Variants in DTNB observed in about 807,000 individuals in gnomAD.
The protein encoded by DTNB is dystrobrevin beta.
In DTNB, 63 loss-of-function variants were observed where a neutral mutation model predicts 90.7. The ratio of observed to expected loss-of-function variants is 0.69; its 90% CI spans 0.57 to 0.86. The LOEUF is 0.86. Among genes scored for constraint, DTNB ranks in the 40% least tolerant of loss-of-function variants. DTNB has a pLI of 0.00. For missense variants in DTNB, 744 were observed against 807.1 expected, an observed-to-expected ratio of 0.92 and a Z score of 0.95; for synonymous variants, 277 against 286.7, an observed-to-expected ratio of 0.97 and a Z score of 0.34.
At chr2:25,589,474 G>C (rs984936174) in intron 6 of DTNB, among the ~76,000 whole-genome samples, 1 of 136,128 alleles carries the variant, frequency 7.3e-6, no homozygotes. Flanking sequence ...TCTGCCTCCT[G>C]GGTTCAAGCA....
At chr2:25,588,771 T>G (rs532200715) in intron 6 of DTNB, among the ~76,000 whole-genome samples, 2 of 152,282 alleles carry the variant, frequency 1.3e-5, no homozygotes, top group East Asian at 3.9e-4. Flanking sequence ...GTGCAGGAAA[T>G]GACAGCCCAT....
intron 2 of DTNB, among the ~76,000 whole-genome samples, chr2:25,649,293 C>T (rs1265965411): frequency 6.6e-6 from 1 of 152,174 alleles, no homozygotes; most frequent in African/African-American, 2.4e-5. Context: ...GCGTGAGCCA[C>T]CACACCTGGC....
At chr2:25,438,522 G>A (rs1031738670) in intron 12 of DTNB, among the ~76,000 whole-genome samples, 5 of 152,014 alleles carry the variant, frequency 3.3e-5, no homozygotes, top group African/African-American at 1.2e-4. Context: ...TTCTGGGCAG[G>A]GGAATATGAA....
chr2:25,460,305 G>A lies in DTNB; in HGVS notation c.1080-4811C>T, dbSNP rs536600781. ...TCAGTTTGGAACATGCTAATTATGA[G>A]ATATGTATTAAATATCCAAGCGAAG... On this transcript the variant is annotated intron_variant, in intron 10 of 20. Transcript: ENST00000406818. 4.6e-5 allele frequency among the ~76,000 whole-genome samples: 7 copies of A among 152,208 alleles called. No individual in the cohort carries two copies. The South Asian group carries it at 1.5e-3, about 32-fold the overall frequency.
chr2:25,414,697 T>G (rs2047451254), intron 16 of DTNB, among the ~76,000 whole-genome samples: 1 of 152,176 alleles, frequency 6.6e-6, no homozygotes, highest in Non-Finnish European at 1.5e-5. Flanking sequence ...ATACAGAGTA[T>G]AAGTCAAAAT....
chr2:25,546,342 C>T (rs1187094548), intron 8 of DTNB, among the ~76,000 whole-genome samples: 6 of 152,240 alleles, frequency 3.9e-5, no homozygotes, highest in Non-Finnish European at 7.3e-5. Context: ...AAACTGTTCA[C>T]TAGAATAAAA....
intron 2 of DTNB, chr2:25,650,354 C>T: frequency 1.9e-6 from 1 of 519,834 alleles, no homozygotes; most frequent in Non-Finnish European, 2.5e-6. Context: ...ATAGCAGATC[C>T]TCAATAAATG....
intron 6 of DTNB, among the ~76,000 whole-genome samples, chr2:25,587,227 A>T (rs1336020452): frequency 6.6e-6 from 1 of 152,168 alleles, no homozygotes; most frequent in African/African-American, 2.4e-5. Flanking sequence ...AAAAATAAGG[A>T]CATCAACAGA....
chr2:25,391,106 C>T (rs983839711), intron 16 of DTNB, among the ~76,000 whole-genome samples: 8 of 151,820 alleles, frequency 5.3e-5, no homozygotes, highest in African/African-American at 1.9e-4. Flanking sequence ...CCATGTTAGC[C>T]AGGATGGTCT....
At chr2:25,425,409 C>T (rs2051218209) in intron 15 of DTNB, among the ~76,000 whole-genome samples, 1 of 152,160 alleles carries the variant, frequency 6.6e-6, no homozygotes, top group Admixed American at 6.5e-5. Context: ...TGCTAATGCC[C>T]ACTAGCTTCA....
At chr2:25,433,644 G>A (rs1157712779) in intron 13 of DTNB, among the ~76,000 whole-genome samples, 2 of 152,018 alleles carry the variant, frequency 1.3e-5, no homozygotes, top group East Asian at 1.9e-4. Context: ...TGTGAGAGGG[G>A]GTCACACGGA....
At chr2:25,586,775 AG>A (rs777898370) in intron 6 of DTNB, among the ~76,000 whole-genome samples, 6 of 152,218 alleles carry the variant, frequency 3.9e-5, no homozygotes, top group Non-Finnish European at 7.3e-5. Context: ...GAGGAGAGAC[AG>A]AAAGTCAGGG....
At chr2:25,647,547 G>GT (rs1359826395) in intron 2 of DTNB, among the ~76,000 whole-genome samples, 1 of 151,982 alleles carries the variant, frequency 6.6e-6, no homozygotes, top group Non-Finnish European at 1.5e-5. Context: ...AGCTATACAG[G>GT]TTTTTTTAAC....
chr2:25,423,315 A>G (rs2050416507), intron 15 of DTNB, among the ~76,000 whole-genome samples: 1 of 152,230 alleles, frequency 6.6e-6, no homozygotes, highest in Admixed American at 6.5e-5. Flanking sequence ...AACTCAATAG[A>G]TTTTTGTTAA....
intron 5 of DTNB, among the ~76,000 whole-genome samples, chr2:25,602,695 A>C (rs1276214191): frequency 1.3e-5 from 2 of 152,234 alleles, no homozygotes; most frequent in Non-Finnish European, 2.9e-5. Flanking sequence ...TCTATCAAAA[A>C]CATGCAAAAA....
intron 6 of DTNB, among the ~76,000 whole-genome samples, chr2:25,584,393 C>T (rs756615325): frequency 6.6e-6 from 1 of 152,118 alleles, no homozygotes; most frequent in Non-Finnish European, 1.5e-5. Flanking sequence ...CATGTGTCTT[C>T]TATAGAGGCA....
At chr2:25,392,323 T>G (rs904875089) in intron 16 of DTNB, among the ~76,000 whole-genome samples, 2 of 151,882 alleles carry the variant, frequency 1.3e-5, no homozygotes, top group African/African-American at 4.8e-5. Flanking sequence ...GGCAGGAGAA[T>G]CTCTTGAACC....
At chr2:25,613,618 G>A (rs908395753) in intron 4 of DTNB, among the ~76,000 whole-genome samples, 3 of 151,132 alleles carry the variant, frequency 2.0e-5, no homozygotes, top group African/African-American at 7.3e-5. Flanking sequence ...AATGAACATA[G>A]TTACAAAAAT....
At chr2:25,465,256 G>A (rs2061583024) in intron 10 of DTNB, among the ~76,000 whole-genome samples, 2 of 151,854 alleles carry the variant, frequency 1.3e-5, no homozygotes, top group Admixed American at 1.3e-4. Context: ...GGCGCCTGTA[G>A]TCCCAGCTAC....
Sources: gnomAD v4.1 joint callset for allele counts (sites outside exome capture counted in the v4.1 genomes callset) on GRCh38, gnomAD v4.1.1 for gene constraint, MANE v1.5 for transcripts, NCBI Gene and HGNC (gene_info 2026-07-23, HGNC 2026-07-21) for gene names.